Variants in KSR1 observed in about 807,000 individuals in gnomAD.
KSR1 encodes the protein kinase suppressor of ras 1, also known as kinase suppressor of ras.
A neutral mutation model predicts 92.9 loss-of-function variants in KSR1; 35 were observed. The observed-to-expected ratio is 0.38, with a 90% CI of 0.29 to 0.50. The LOEUF (loss-of-function observed/expected upper bound fraction) is 0.50. KSR1 is among the 20% of genes least tolerant of loss of function. KSR1 has a pLI of 0.94. For missense variants in KSR1, 972 were observed against 1,158.5 expected (o/e 0.84, Z 2.34); for synonymous variants, 467 against 472.6 (o/e 0.99, Z 0.15).
intron 1 of KSR1, among the ~76,000 whole-genome samples, chr17:27,510,667 C>T (rs2069566377): frequency 6.6e-6 from 1 of 152,198 alleles, no homozygotes; most frequent in African/African-American, 2.4e-5. Flanking sequence ...GGCTGCACTG[C>T]CGTCCGTTCA....
At chr17:27,481,913 G>A (rs1031227494) in intron 1 of KSR1, among the ~76,000 whole-genome samples, 9 of 152,174 alleles carry the variant, frequency 5.9e-5, no homozygotes, top group Middle Eastern at 3.2e-3. Context: ...CTTTGGAGAC[G>A]ATTTGGTTTA....
intron 1 of KSR1, among the ~76,000 whole-genome samples, chr17:27,473,027 C>A (rs1036776833): frequency 1.3e-5 from 2 of 152,178 alleles, no homozygotes; most frequent in African/African-American, 4.8e-5. Context: ...CTTCAGCCTC[C>A]CAGATAGCTG....
chr17:27,592,392 G>A lies in KSR1; in HGVS notation c.1162G>A (p.Ala388Thr), dbSNP rs2073195435. ...LKCHNKCTKE[A>T]PACRISFLPL... is the part of the protein sequence containing the mutation. Reference sequence around the variant, plus strand: ...GTGTCACAACAAATGTACCAAAGAAGCCCCTGCCTGTAGAATATCCTTCCT... The same window carrying A: ...GTGTCACAACAAATGTACCAAAGAAACCCCTGCCTGTAGAATATCCTTCCT... Residue 388 changes from alanine to threonine, a missense_variant, in exon 8 of 21, where the codon GCC (alanine) becomes ACC (threonine). Physicochemically the swap from Ala to Thr is moderately conservative, Grantham distance 58. This residue lies in a region of KSR1 where 611 missense variants were observed against 668.0 expected (regional missense o/e 0.91). Transcript: ENST00000644974. The A allele has an allele frequency of 1.2e-6, 2 of 1,613,780 alleles. No individual in the cohort carries two copies. Among genetic ancestry groups the A allele is most frequent in the Non-Finnish European group, 1.7e-6 (2 of 1,179,890 alleles).
At position 27,611,591 on chromosome 17, in the gene KSR1, C is replaced by T; in HGVS notation, c.2455C>T (p.Arg819Cys). 3 of 1,613,810 alleles carry T rather than the reference C, an allele frequency of 1.9e-6. No individual in the cohort carries two copies. The highest frequency in any genetic ancestry group is 2.5e-6 in the Non-Finnish European group (3 of 1,179,788). Residue 819 changes from arginine (R) to cysteine (C), a missense_variant, in exon 18 of 21, where the codon CGT becomes TGT. Physicochemically the swap from Arg to Cys is radical, Grantham distance 180. Coordinates refer to ENST00000644974, the MANE Select transcript of KSR1 (RefSeq NM_001394583.1). ...GATTGGAAGCGGGGAAGGAATGAAG[C>T]GTGTCCTGACTTCTGTCAGCTTGGG... ...WQIGSGEGMK[R>C]VLTSVSLGKE...
At chr17:27,509,714 C>T (rs1476139328) in intron 1 of KSR1, among the ~76,000 whole-genome samples, 2 of 152,176 alleles carry the variant, frequency 1.3e-5, no homozygotes, top group African/African-American at 2.4e-5. Flanking sequence ...GTTGTGCATG[C>T]TTATAGTCCC....
intron 1 of KSR1, among the ~76,000 whole-genome samples, chr17:27,529,053 C>T (rs1464221670): frequency 6.6e-6 from 1 of 151,882 alleles, no homozygotes; most frequent in African/African-American, 2.4e-5. Flanking sequence ...TTTAAAAATA[C>T]AAAAAAGTAA....
At chr17:27,498,467 G>A (rs1192208529) in intron 1 of KSR1, among the ~76,000 whole-genome samples, 1 of 152,122 alleles carries the variant, frequency 6.6e-6, no homozygotes, top group Non-Finnish European at 1.5e-5. Flanking sequence ...AAAGCCCAAT[G>A]GGGAAAATCT....
At chr17:27,601,603 T>C (rs2073559267) in intron 11 of KSR1, among the ~76,000 whole-genome samples, 1 of 152,212 alleles carries the variant, frequency 6.6e-6, no homozygotes, top group Non-Finnish European at 1.5e-5. Context: ...TGAGAAGTTC[T>C]TGCTGGGAGG....
At chr17:27,609,428 C>T in intron 16 of KSR1, 99 bp downstream of exon 16, 1 of 1,480,070 alleles carries the variant, frequency 6.8e-7, no homozygotes, top group Non-Finnish European at 9.3e-7. Context: ...TGAGCTGCAG[C>T]CCTCCCTGCA....
At chr17:27,611,328 C>T (rs1258454719) in intron 17 of KSR1, 166 bp from the exon 18 acceptor site, 3 of 768,866 alleles carry the variant, frequency 3.9e-6, no homozygotes, top group Non-Finnish European at 6.1e-6. Flanking sequence ...TCCTCTAGGG[C>T]TGGGAGGAGC....
intron 1 of KSR1, among the ~76,000 whole-genome samples, chr17:27,492,432 C>A (rs2068859649): frequency 6.6e-6 from 1 of 152,162 alleles, no homozygotes; most frequent in South Asian, 2.1e-4. Flanking sequence ...GATCAGGCAT[C>A]CATAGGCAAG....
At chr17:27,562,976 C>T (rs1483759114) in intron 2 of KSR1, among the ~76,000 whole-genome samples, 1 of 152,182 alleles carries the variant, frequency 6.6e-6, no homozygotes, top group Non-Finnish European at 1.5e-5. Context: ...TTGCTGGAAA[C>T]CTGGGAGTCG....
intron 1 of KSR1, among the ~76,000 whole-genome samples, chr17:27,482,468 A>T (rs1339220159): frequency 6.6e-6 from 1 of 152,218 alleles, no homozygotes; most frequent in African/African-American, 2.4e-5. Flanking sequence ...AAGTTACATG[A>T]GTCTCGGCAC....
At chr17:27,488,514 A>G (rs376299492) in intron 1 of KSR1, among the ~76,000 whole-genome samples, 3 of 152,320 alleles carry the variant, frequency 2.0e-5, no homozygotes, top group African/African-American at 4.8e-5. Flanking sequence ...TCTGGCTTCC[A>G]AGAACTGACA....
At chr17:27,497,318 G>A (rs573842310) in intron 1 of KSR1, among the ~76,000 whole-genome samples, 8 of 152,320 alleles carry the variant, frequency 5.3e-5, no homozygotes, top group East Asian at 3.9e-4. Flanking sequence ...TCCTCTTATC[G>A]TGGGACCAGC....
intron 1 of KSR1, among the ~76,000 whole-genome samples, chr17:27,512,943 C>G (rs566801091): frequency 6.6e-6 from 1 of 152,294 alleles, no homozygotes; most frequent in East Asian, 1.9e-4. Context: ...CCCGGAGGCT[C>G]CCTGATCATG....
chr17:27,469,798 A>G (rs1597829401), intron 1 of KSR1, among the ~76,000 whole-genome samples: 1 of 152,102 alleles, frequency 6.6e-6, no homozygotes, highest in African/African-American at 2.4e-5. Flanking sequence ...GAGTGTGTCT[A>G]GTGGATCTGC....
intron 20 of KSR1, 46 bp downstream of exon 20, chr17:27,621,319 C>G (rs953088917): frequency 2.5e-6 from 1 of 398,538 alleles, no homozygotes; most frequent in African/African-American, 2.1e-5. Flanking sequence ...CTCTGGTTTT[C>G]CTGACACAAG....
At chr17:27,512,743 T>C (rs2069644931) in intron 1 of KSR1, among the ~76,000 whole-genome samples, 1 of 152,178 alleles carries the variant, frequency 6.6e-6, no homozygotes, top group African/African-American at 2.4e-5. Context: ...AAAAGATGTA[T>C]TGAGAACCTA....
Sources: gnomAD v4.1 joint callset for allele counts (sites outside exome capture counted in the v4.1 genomes callset) on GRCh38, gnomAD v4.1.1 for gene constraint, gnomAD v4.1.1 regional missense constraint, MANE v1.5 for transcripts, NCBI Gene and HGNC (gene_info 2026-07-23, HGNC 2026-07-21) for gene names.